The following IGSF21 variants were observed in gnomAD, a reference collection of about 807,000 sequenced individuals.
IGSF21 encodes immunoglobin superfamily member 21.
IGSF21 carries 28 observed loss-of-function variants against 46.8 expected under a neutral mutation model. The ratio of observed to expected loss-of-function variants is 0.60; its 90% CI spans 0.44 to 0.82. IGSF21 has a LOEUF of 0.82. IGSF21 is among the 40% of genes least tolerant of loss of function. IGSF21 has a pLI of 0.00. For missense variants in IGSF21, 624 were observed against 665.5 expected, an observed-to-expected ratio of 0.94 and a Z score of 0.69; for synonymous variants, 284 against 273.6, an observed-to-expected ratio of 1.04 and a Z score of -0.38.
At chr1:18,200,500 G>C (rs574578616) in intron 1 of IGSF21, among the ~76,000 whole-genome samples, 1 of 152,252 alleles carries the variant, frequency 6.6e-6, no homozygotes, top group South Asian at 2.1e-4. Flanking sequence ...TGCAATTCTT[G>C]GTGTTTGGTG....
At chr1:18,313,256 A>T (rs2085507332) in intron 3 of IGSF21, among the ~76,000 whole-genome samples, 1 of 152,156 alleles carries the variant, frequency 6.6e-6, no homozygotes, top group African/African-American at 2.4e-5. Context: ...CCTCAGGTGG[A>T]TCCCTTCCAG....
chr1:18,349,924 A>G lies in IGSF21; in HGVS notation c.425-12191A>G, dbSNP rs1210180550. On this transcript the variant is annotated intron_variant, in intron 4 of 9. Coordinates refer to ENST00000251296, the MANE Select transcript of IGSF21 (RefSeq NM_032880.5). ...AAAAAACCACTAAATTACAAATATA[A>G]CAAATCACACGACGAAAATGAGGTG... 3.9e-5 allele frequency among the ~76,000 whole-genome samples: 6 copies of G among 152,120 alleles called. No individual in the cohort carries two copies. The East Asian group carries it at 1.2e-3, about 29-fold the overall frequency.
At chr1:18,351,101 A>T (rs1000239164) in intron 4 of IGSF21, among the ~76,000 whole-genome samples, 2 of 152,090 alleles carry the variant, frequency 1.3e-5, no homozygotes, top group South Asian at 2.1e-4. Context: ...GGAGGGGGAA[A>T]TGACGGCCAT....
intron 3 of IGSF21, among the ~76,000 whole-genome samples, chr1:18,326,937 G>C (rs1262558483): frequency 6.6e-6 from 1 of 152,198 alleles, no homozygotes; most frequent in Non-Finnish European, 1.5e-5. Context: ...GACAAAAATG[G>C]AGAGGTTCTG....
intron 2 of IGSF21, among the ~76,000 whole-genome samples, chr1:18,286,825 T>C (rs1481322699): frequency 6.6e-6 from 1 of 152,200 alleles, no homozygotes; most frequent in Non-Finnish European, 1.5e-5. Flanking sequence ...ATCCAGCAGA[T>C]ATTTATCGAG....
At chr1:18,154,361 T>A (rs1368784365) in intron 1 of IGSF21, among the ~76,000 whole-genome samples, 1 of 152,004 alleles carries the variant, frequency 6.6e-6, no homozygotes, top group South Asian at 2.1e-4. Context: ...CAGCCCTCTT[T>A]CCTATATCAA....
intron 4 of IGSF21, among the ~76,000 whole-genome samples, chr1:18,349,388 G>A (rs961044675): frequency 6.6e-6 from 1 of 152,142 alleles, no homozygotes; most frequent in Non-Finnish European, 1.5e-5. Flanking sequence ...TGCAAGCTAA[G>A]AGATGAGGAA....
Position 18,362,127 on chromosome 1 carries a change from C to A in IGSF21, c.437C>A (p.Ser146Tyr). ...CCTTTTGGGGCAGCTCCTCCCACCT[C>A]CATTGAAGTGGTGGCTGCTGACACA... ...IFLNVMAPPTSIEVVAADTPA... is the reference protein window; with the variant it reads ...IFLNVMAPPTYIEVVAADTPA... Residue 146 changes from serine (S) to tyrosine (Y), a missense_variant, in exon 5 of 10, where the codon TCC becomes TAC. Physicochemically the swap from Ser to Tyr is moderately radical, Grantham distance 144. Transcript: ENST00000251296. The A allele has an allele frequency of 6.2e-7, 1 of 1,610,228 alleles. No homozygotes were observed. The highest frequency in any genetic ancestry group is 1.1e-5 in the South Asian group (1 of 89,916).
intron 2 of IGSF21, among the ~76,000 whole-genome samples, chr1:18,262,706 G>A (rs1174944767): frequency 3.9e-5 from 6 of 152,278 alleles, no homozygotes; most frequent in Non-Finnish European, 7.4e-5. Flanking sequence ...TTGGATCCTC[G>A]TTGCCTTAAT....
At chr1:18,209,416 C>A (rs1020693867) in intron 1 of IGSF21, among the ~76,000 whole-genome samples, 2 of 152,028 alleles carry the variant, frequency 1.3e-5, no homozygotes, top group African/African-American at 2.4e-5. Context: ...AGGGCCTACC[C>A]AATACCTGCA....
Position 18,365,209 on chromosome 1 carries a change from C to G in IGSF21, c.541-14C>G. On this transcript the variant is annotated splice_polypyrimidine_tract_variant and intron_variant, in intron 5 of 9. Transcript: ENST00000251296. This position sits in a 1 kb window ranked among gnomAD's most constrained non-coding sequence, Gnocchi z 4.8. ...GCACAAAATCATTTTCCCACACCCT[C>G]CTTACAATGGCAGGTTTATTTCAAA... 1 of 1,578,362 alleles carries G rather than the reference C, an allele frequency of 6.3e-7. No individual in the cohort carries two copies. Among genetic ancestry groups the G allele is most frequent in the African/African-American group, 1.3e-5 (1 of 74,194 alleles).
chr1:18,134,492 G>A (rs1473968299), intron 1 of IGSF21, among the ~76,000 whole-genome samples: 2 of 152,150 alleles, frequency 1.3e-5, no homozygotes, highest in African/African-American at 4.8e-5. Flanking sequence ...ATTACTCGCA[G>A]GCACTATCCG....
intron 4 of IGSF21, among the ~76,000 whole-genome samples, chr1:18,360,642 A>T (rs935385450): frequency 2.6e-5 from 4 of 152,168 alleles, no homozygotes; most frequent in African/African-American, 9.7e-5. Context: ...GCGTGTCCCA[A>T]GGCTGGGTAA....
chr1:18,255,308 T>TGG (rs2084880839), intron 2 of IGSF21, among the ~76,000 whole-genome samples: 1 of 152,170 alleles, frequency 6.6e-6, no homozygotes, highest in East Asian at 1.9e-4. Flanking sequence ...GCTGGGCTTG[T>TGG]GGGGGCTTTC....
At chr1:18,185,664 T>A (rs2086896546) in intron 1 of IGSF21, among the ~76,000 whole-genome samples, 1 of 152,186 alleles carries the variant, frequency 6.6e-6, no homozygotes, top group Admixed American at 6.5e-5. Context: ...GCTCTGCCTC[T>A]TACTCTCTGA....
chr1:18,250,079 A>C (rs997284240), intron 2 of IGSF21, among the ~76,000 whole-genome samples: 635 of 12,470 alleles, frequency 0.051, no homozygotes, highest in Admixed American at 0.059. Flanking sequence ...CCCCCCTTCC[A>C]TCCCCCACTC....
intron 2 of IGSF21, among the ~76,000 whole-genome samples, chr1:18,234,438 A>G (rs2084655397): frequency 6.6e-6 from 1 of 152,260 alleles, no homozygotes; most frequent in African/African-American, 2.4e-5. Flanking sequence ...ACAGGAAATA[A>G]GAACAAGTTC....
intron 1 of IGSF21, among the ~76,000 whole-genome samples, chr1:18,146,873 A>G (rs1219920616): frequency 6.6e-6 from 1 of 152,238 alleles, no homozygotes; most frequent in East Asian, 1.9e-4. Context: ...GTTAAGTGAC[A>G]TATTCAAGGT....
At chr1:18,234,345 A>T (rs1222277731) in intron 2 of IGSF21, among the ~76,000 whole-genome samples, 1 of 152,184 alleles carries the variant, frequency 6.6e-6, no homozygotes, top group Non-Finnish European at 1.5e-5. Flanking sequence ...TTATCATATC[A>T]GTCACATGGG....
Sources: gnomAD v4.1 joint callset for allele counts (sites outside exome capture counted in the v4.1 genomes callset) on GRCh38, gnomAD v4.1.1 for gene constraint, Gnocchi (gnomAD v3.1) non-coding constraint, MANE v1.5 for transcripts, NCBI Gene and HGNC (gene_info 2026-07-23, HGNC 2026-07-21) for gene names.